TMC1: variants seen among roughly 807,000 people sequenced by gnomAD.
TMC1 encodes the protein transmembrane channel like 1, also known as transmembrane channel-like protein 1.
TMC1 carries 84 observed loss-of-function variants against 105.8 expected under a neutral mutation model. That is an observed-to-expected ratio of 0.79 (90% CI 0.67 to 0.95). The LOEUF (loss-of-function observed/expected upper bound fraction) is 0.95. TMC1 is among the 40% of genes least tolerant of loss of function. TMC1 has a pLI of 0.00. For missense variants in TMC1, 817 were observed against 914.1 expected (o/e 0.89, Z 1.37); for synonymous variants, 315 against 311.5 (o/e 1.01, Z -0.12).
chr9:72,759,155 G>C (rs142431543), intron 12 of TMC1, among the ~76,000 whole-genome samples: 2 of 152,096 alleles, frequency 1.3e-5, no homozygotes, highest in Non-Finnish European at 2.9e-5. Flanking sequence ...GAGGAAGGGC[G>C]CTGCATGGCC....
intron 20 of TMC1, among the ~76,000 whole-genome samples, chr9:72,824,543 C>G (rs1828923161): frequency 1.3e-5 from 2 of 152,136 alleles, no homozygotes; most frequent in Admixed American, 1.3e-4. Flanking sequence ...AGGTCATCTT[C>G]CCCAAAGTCA....
At chr9:72,672,313 GT>G (rs746259518) in intron 5 of TMC1, among the ~76,000 whole-genome samples, 105 of 150,970 alleles carry the variant, frequency 7.0e-4, no homozygotes, top group African/African-American at 1.4e-3. Flanking sequence ...TACAGACTTT[GT>G]TTTTTTAATG....
At chr9:72,576,309 A>C (rs1824378797) in intron 1 of TMC1, among the ~76,000 whole-genome samples, 1 of 152,106 alleles carries the variant, frequency 6.6e-6, no homozygotes, top group African/African-American at 2.4e-5. Flanking sequence ...TTGTGGGCCA[A>C]CTGTGTCATG....
intron 7 of TMC1, 56 bp downstream of exon 7, chr9:72,694,770 T>G: frequency 2.6e-6 from 4 of 1,541,454 alleles, no homozygotes; most frequent in Non-Finnish European, 3.5e-6. Context: ...GATCACTCCT[T>G]TCAGATACTC....
At chr9:72,826,656 C>T (rs1828961045) in intron 20 of TMC1, among the ~76,000 whole-genome samples, 1 of 152,140 alleles carries the variant, frequency 6.6e-6, no homozygotes, top group African/African-American at 2.4e-5. Context: ...ACTGCTTTGA[C>T]TATATGTTTA....
At chr9:72,809,552 T>C (rs1407061817) in intron 18 of TMC1, among the ~76,000 whole-genome samples, 1 of 152,196 alleles carries the variant, frequency 6.6e-6, no homozygotes, top group East Asian at 1.9e-4. Flanking sequence ...AACTCTGTGC[T>C]AGGTGATAAA....
At chr9:72,707,773 A>T (rs975245050) in intron 8 of TMC1, among the ~76,000 whole-genome samples, 1 of 151,710 alleles carries the variant, frequency 6.6e-6, no homozygotes, top group South Asian at 2.1e-4. Context: ...ATTAAGTCCC[A>T]CTTATTTATC....
chr9:72,690,331 T>C (rs780173788), intron 6 of TMC1, among the ~76,000 whole-genome samples: 2 of 152,144 alleles, frequency 1.3e-5, no homozygotes, highest in Non-Finnish European at 2.9e-5. Context: ...GTTAATACTT[T>C]TTTACTTTTA....
intron 23 of TMC1, among the ~76,000 whole-genome samples, chr9:72,835,215 C>A (rs773286434): frequency 6.6e-6 from 1 of 152,096 alleles, no homozygotes; most frequent in Non-Finnish European, 1.5e-5. Flanking sequence ...AATGTATTTA[C>A]CTCCGCAGTT....
chr9:72,723,902 A>G (rs2117956160), intron 8 of TMC1, among the ~76,000 whole-genome samples: 1 of 152,302 alleles, frequency 6.6e-6, no homozygotes, highest in South Asian at 2.1e-4. Context: ...CAAGTGGCTC[A>G]CTGAGCTACT....
At chr9:72,560,412 G>A (rs1824024764) in intron 1 of TMC1, among the ~76,000 whole-genome samples, 1 of 152,058 alleles carries the variant, frequency 6.6e-6, no homozygotes, top group African/African-American at 2.4e-5. Context: ...ATCTTTATAT[G>A]TCCTGAATTT....
chr9:72,754,747 T>A, intron 11 of TMC1, 39 bp from the exon 12 acceptor site: 1 of 1,504,378 alleles, frequency 6.6e-7, no homozygotes, highest in Non-Finnish European at 9.3e-7. Context: ...TCAGACTTTG[T>A]TTCTAATTGT....
At chr9:72,611,375 A>AT (rs1825021094) in intron 2 of TMC1, among the ~76,000 whole-genome samples, 1 of 152,240 alleles carries the variant, frequency 6.6e-6, no homozygotes, top group Admixed American at 6.5e-5. Flanking sequence ...GTATTTTGCT[A>AT]TAGAGAGGTA....
At chr9:72,709,106 A>C (rs1347018551) in intron 8 of TMC1, among the ~76,000 whole-genome samples, 1 of 152,098 alleles carries the variant, frequency 6.6e-6, no homozygotes, top group Non-Finnish European at 1.5e-5. Flanking sequence ...CTCTTGCTGC[A>C]TCTATTGAGA....
chr9:72,556,427 A>C (rs1823941906), intron 1 of TMC1, among the ~76,000 whole-genome samples: 1 of 151,964 alleles, frequency 6.6e-6, no homozygotes, highest in Non-Finnish European at 1.5e-5. Flanking sequence ...TACTTGTGAA[A>C]TTAAAGCTTC....
chr9:72,619,702 G>A (rs1336352780), intron 3 of TMC1, among the ~76,000 whole-genome samples: 1 of 151,464 alleles, frequency 6.6e-6, no homozygotes, highest in Non-Finnish European at 1.5e-5. Flanking sequence ...AAAAACAAAA[G>A]CATATGAATA....
At chr9:72,831,634 G>T (rs1829043563) in intron 23 of TMC1, among the ~76,000 whole-genome samples, 1 of 152,018 alleles carries the variant, frequency 6.6e-6, no homozygotes, top group South Asian at 2.1e-4. Context: ...TCCCCTTCCT[G>T]TGTCCAAGTG....
intron 8 of TMC1, among the ~76,000 whole-genome samples, chr9:72,716,036 G>A (rs1826911604): frequency 6.6e-6 from 1 of 152,170 alleles, no homozygotes; most frequent in Non-Finnish European, 1.5e-5. Flanking sequence ...AGGTCTGCTG[G>A]AGTTTGCTGG....
At position 72,661,127 on chromosome 9, in the gene TMC1, G is replaced by C. The variant is rs187062692; in HGVS notation, c.16+12463G>C. 4.6e-3 allele frequency among the ~76,000 whole-genome samples: 701 copies of C among 152,262 alleles called. 2 individuals carry two copies. The highest frequency in any genetic ancestry group is 0.016 in the African/African-American group (663 of 41,544). On this transcript the variant is annotated intron_variant, in intron 5 of 23. Transcript: ENST00000297784. ...AGATCACGCCACCGCACTCCAGCCTGGGTGACAGAGCGAGACTCATCTCAA... is the reference window on the plus strand; with the variant it reads ...AGATCACGCCACCGCACTCCAGCCTCGGTGACAGAGCGAGACTCATCTCAA...
Sources: gnomAD v4.1 joint callset for allele counts (sites outside exome capture counted in the v4.1 genomes callset) on GRCh38, gnomAD v4.1.1 for gene constraint, MANE v1.5 for transcripts, NCBI Gene and HGNC (gene_info 2026-07-23, HGNC 2026-07-21) for gene names.